Variants in PRKG1 observed in about 807,000 individuals in gnomAD.
PRKG1 encodes protein kinase cGMP-dependent 1, also known as cGMP-dependent protein kinase 1.
In PRKG1, 35 loss-of-function variants were observed where a neutral mutation model predicts 88.1. The ratio of observed to expected loss-of-function variants is 0.40; its 90% CI spans 0.30 to 0.53. PRKG1 has a LOEUF of 0.53. Ranked by LOEUF, PRKG1 falls within the 20% of genes least tolerant of loss-of-function variation. The pLI is 0.59. For missense variants in PRKG1, 540 were observed against 839.8 expected (o/e 0.64, Z 4.41); for synonymous variants, 303 against 292.5 (o/e 1.04, Z -0.37).
rs545975048 is a variant in PRKG1, at chr10:52,024,645, C to A, written c.763-29839C>A. ...GTTTCCAGCTTCATCCATGTCCCTA[C>A]AAAGGACATGAACTCATCCTTTTTT... is the stretch of plus-strand genomic sequence containing the variant. On this transcript the variant is annotated intron_variant, in intron 5 of 17. Transcript: ENST00000373980. Among the ~76,000 whole-genome samples the A allele has an allele frequency of 3.2e-3, 486 of 152,244 alleles. 4 individuals are homozygous for A. The highest frequency in any genetic ancestry group is 0.011 in the African/African-American group (438 of 41,538).
intron 7 of PRKG1, among the ~76,000 whole-genome samples, chr10:52,116,330 T>C (rs576941921): frequency 1.6e-4 from 25 of 152,304 alleles, no homozygotes; most frequent in African/African-American, 6.0e-4. Context: ...ATTATTTATC[T>C]GAAATTCAAA....
At chr10:52,086,955 C>G (rs1030773837) in intron 7 of PRKG1, among the ~76,000 whole-genome samples, 1 of 152,082 alleles carries the variant, frequency 6.6e-6, no homozygotes, top group African/African-American at 2.4e-5. Flanking sequence ...GAGAAAAGCC[C>G]CTTATGAAAC....
At chr10:52,041,524 G>A (rs1213368078) in intron 5 of PRKG1, among the ~76,000 whole-genome samples, 2 of 152,104 alleles carry the variant, frequency 1.3e-5, no homozygotes, top group Non-Finnish European at 2.9e-5. Context: ...CTTCTCTCCA[G>A]TTATCTGGAA....
rs1040533500 is a variant in PRKG1 at position 51,206,846 on chromosome 10, T to A, written c.478+53516T>A. Among the ~76,000 whole-genome samples, 3 of 152,190 alleles carry A rather than the reference T, an allele frequency of 2.0e-5. No individual in the cohort carries two copies. The East Asian group carries it at 5.8e-4, about 29-fold the overall frequency. ...AGGGAGGCGATCACTTGTTACAACA[T>A]AAATAGAATCAGAAATCAAGTGATA... On this transcript the variant is annotated intron_variant, in intron 2 of 17. Coordinates refer to ENST00000373980, the MANE Select transcript of PRKG1 (RefSeq NM_006258.4).
At chr10:51,746,061 G>C (rs879461511) in intron 3 of PRKG1, among the ~76,000 whole-genome samples, 2 of 152,048 alleles carry the variant, frequency 1.3e-5, no homozygotes, top group Non-Finnish European at 2.9e-5. Context: ...TGTTGCCCAG[G>C]CTCGTCTAGA....
intron 2 of PRKG1, among the ~76,000 whole-genome samples, chr10:51,392,577 C>T (rs1012611509): frequency 9.2e-5 from 14 of 151,890 alleles, no homozygotes; most frequent in African/African-American, 3.4e-4. Flanking sequence ...ATCTTTTCCC[C>T]ACCTTTCCCC....
intron 1 of PRKG1, among the ~76,000 whole-genome samples, chr10:51,034,630 A>G (rs1843327188): frequency 7.4e-6 from 1 of 135,024 alleles, no homozygotes; most frequent in Admixed American, 7.8e-5. Context: ...TTTTTGCCCT[A>G]AACAATCAAA....
chr10:51,330,522 G>T (rs566568913), intron 2 of PRKG1, among the ~76,000 whole-genome samples: 3 of 151,970 alleles, frequency 2.0e-5, no homozygotes, highest in African/African-American at 7.3e-5. Context: ...TTTACTTTTC[G>T]TATTTTTTCT....
rs371932361 is a variant in PRKG1 at position 51,191,628 on chromosome 10, C to G, written c.478+38298C>G. Among the ~76,000 whole-genome samples, 10 of 151,568 alleles carry G rather than the reference C, an allele frequency of 6.6e-5. 1 individual carries two copies. Among genetic ancestry groups the G allele is most frequent in the Admixed American group, 5.3e-4 (8 of 15,154 alleles). ...ATACTGTGCTAAATGCTTTTTAATG[C>G]CTTATCTTATTTAATCCTCATACCA... On this transcript the variant is annotated intron_variant, in intron 2 of 17. Transcript: ENST00000373980.
intron 2 of PRKG1, among the ~76,000 whole-genome samples, chr10:51,397,650 A>C (rs995089216): frequency 1.3e-5 from 2 of 152,062 alleles, no homozygotes; most frequent in African/African-American, 4.8e-5. Context: ...ACATCTCAGG[A>C]AATTGTTTTC....
intron 3 of PRKG1, among the ~76,000 whole-genome samples, chr10:51,635,357 G>A (rs1468563436): frequency 1.3e-5 from 2 of 149,590 alleles, no homozygotes; most frequent in African/African-American, 4.9e-5. Flanking sequence ...AATGCAATAT[G>A]TAAATATAAG....
chr10:52,217,424 TTA>T (rs1263580683), intron 9 of PRKG1, among the ~76,000 whole-genome samples: 1 of 151,974 alleles, frequency 6.6e-6, no homozygotes, highest in South Asian at 2.1e-4. Context: ...CTTTTTTAGA[TTA>T]GTGTCAAATG....
intron 2 of PRKG1, among the ~76,000 whole-genome samples, chr10:51,301,443 G>A (rs1840882603): frequency 6.6e-6 from 1 of 151,992 alleles, no homozygotes; most frequent in Non-Finnish European, 1.5e-5. Flanking sequence ...TGAAGTAGGG[G>A]AAAAAATATA....
At chr10:51,197,014 A>G (rs546799944) in intron 2 of PRKG1, among the ~76,000 whole-genome samples, 2 of 152,188 alleles carry the variant, frequency 1.3e-5, no homozygotes, top group African/African-American at 4.8e-5. Flanking sequence ...CTGATTATTT[A>G]CACTTATGCC....
chr10:51,208,775 C>T (rs1180723047), intron 2 of PRKG1, among the ~76,000 whole-genome samples: 1 of 152,136 alleles, frequency 6.6e-6, no homozygotes, highest in African/African-American at 2.4e-5. Flanking sequence ...ATGCCTTTGA[C>T]ATGTGTTAGT....
chr10:51,642,563 G>A (rs1839826615), intron 3 of PRKG1, among the ~76,000 whole-genome samples: 1 of 152,142 alleles, frequency 6.6e-6, no homozygotes, highest in Non-Finnish European at 1.5e-5. Flanking sequence ...TTTCAAGACT[G>A]ACTGGTAGAA....
At chr10:51,541,348 T>A (rs1842296315) in intron 3 of PRKG1, among the ~76,000 whole-genome samples, 1 of 152,190 alleles carries the variant, frequency 6.6e-6, no homozygotes, top group African/African-American at 2.4e-5. Context: ...GTCCAGTTCC[T>A]AACAGGCCAC....
At chr10:52,196,231 T>C (rs1046735974) in intron 9 of PRKG1, among the ~76,000 whole-genome samples, 2 of 152,126 alleles carry the variant, frequency 1.3e-5, no homozygotes, top group African/African-American at 4.8e-5. Flanking sequence ...TTAGCCAGGA[T>C]GGTCTCGATC....
intron 3 of PRKG1, among the ~76,000 whole-genome samples, chr10:51,687,085 G>C (rs913285401): frequency 6.6e-6 from 1 of 151,970 alleles, no homozygotes; most frequent in Non-Finnish European, 1.5e-5. Context: ...GCCTTGATTT[G>C]AATTTAAATT....
Sources: gnomAD v4.1 joint callset for allele counts (sites outside exome capture counted in the v4.1 genomes callset) on GRCh38, gnomAD v4.1.1 for gene constraint, MANE v1.5 for transcripts, NCBI Gene and HGNC (gene_info 2026-07-23, HGNC 2026-07-21) for gene names.